The following DYM variants were observed in gnomAD, a reference collection of about 807,000 sequenced individuals.
DYM encodes the protein dymeclin.
In DYM, 78 loss-of-function variants were observed where a neutral mutation model predicts 93.1. The ratio of observed to expected loss-of-function variants is 0.84; its 90% CI spans 0.70 to 1.01. The LOEUF (loss-of-function observed/expected upper bound fraction) is 1.01, where lower values mean the gene tolerates loss of function less well. Ranked by LOEUF, DYM falls within the 50% of genes least tolerant of loss-of-function variation. DYM has a pLI of 0.00. For synonymous variants in DYM, 321 were observed against 319.7 expected (o/e 1.00, Z -0.04); for missense variants, 789 against 845.0 (o/e 0.93, Z 0.82).
chr18:49,118,754 T>C lies in DYM; in HGVS notation c.1901A>G (p.Asn634Ser). 1 of 1,613,796 alleles carries C rather than the reference T, an allele frequency of 6.2e-7. No individual in the cohort carries two copies. Among genetic ancestry groups the C allele is most frequent in the Non-Finnish European group, 8.5e-7 (1 of 1,179,712 alleles). Residue 634 changes from asparagine (N) to serine (S), a missense_variant, in exon 16 of 18, where the codon AAT becomes AGT. Physicochemically the swap from Asn to Ser is conservative, Grantham distance 46 (BLOSUM62 1). Coordinates refer to ENST00000675505, the MANE Select transcript of DYM (RefSeq NM_001353214.3). ...THPSFQDIMQ[N>S]IDLVISFFSS... ...TTCATTTACACTCACCAGATCAATATTTTGCATTATATCCTGAAATGAAGG... is the reference window on the plus strand; with the variant it reads ...TTCATTTACACTCACCAGATCAATACTTTGCATTATATCCTGAAATGAAGG...
At chr18:49,101,651 T>C (rs545290519) in intron 16 of DYM, among the ~76,000 whole-genome samples, 1 of 152,318 alleles carries the variant, frequency 6.6e-6, no homozygotes, top group Non-Finnish European at 1.5e-5. Flanking sequence ...AGTTTTATTT[T>C]ATTTTATTTT....
At chr18:49,046,289 C>G (rs1269283963) in intron 17 of DYM, among the ~76,000 whole-genome samples, 1 of 138,170 alleles carries the variant, frequency 7.2e-6, no homozygotes, top group Non-Finnish European at 1.6e-5. Context: ...GACAACACAC[C>G]CAGACATGCG....
chr18:49,285,310 G>T (rs968601293), intron 9 of DYM, among the ~76,000 whole-genome samples: 4 of 152,162 alleles, frequency 2.6e-5, no homozygotes, highest in Non-Finnish European at 5.9e-5. Context: ...TAACCCGGAA[G>T]AATCATGGCA....
At chr18:49,207,586 G>C (rs1600657375) in intron 14 of DYM, among the ~76,000 whole-genome samples, 2 of 152,208 alleles carry the variant, frequency 1.3e-5, no homozygotes, top group Admixed American at 1.3e-4. Context: ...CACCCAATCA[G>C]CTGAAGCTAT....
At chr18:49,431,481 G>A (rs966893157) in intron 1 of DYM, among the ~76,000 whole-genome samples, 3 of 152,054 alleles carry the variant, frequency 2.0e-5, no homozygotes, top group Non-Finnish European at 4.4e-5. Context: ...AGTCACTAAG[G>A]GAAGAAAACT....
intron 11 of DYM, among the ~76,000 whole-genome samples, chr18:49,265,860 TAAC>T (rs1266910557): frequency 1.4e-5 from 2 of 146,632 alleles, no homozygotes; most frequent in Non-Finnish European, 3.0e-5. Flanking sequence ...TGAATAAAAA[TAAC>T]AAACTCAGGG....
intron 2 of DYM, among the ~76,000 whole-genome samples, chr18:49,417,748 T>C (rs1243077835): frequency 6.6e-6 from 1 of 152,252 alleles, no homozygotes; most frequent in Non-Finnish European, 1.5e-5. Context: ...TTTATCATAT[T>C]TCACCATACT....
At chr18:49,071,426 C>T (rs934927519) in intron 17 of DYM, among the ~76,000 whole-genome samples, 23 of 152,324 alleles carry the variant, frequency 1.5e-4, no homozygotes, top group Admixed American at 2.6e-4. Flanking sequence ...ATTGAAACCA[C>T]GGACACAATG....
chr18:49,244,249 G>A (rs1026325817), intron 13 of DYM, among the ~76,000 whole-genome samples: 1 of 152,206 alleles, frequency 6.6e-6, no homozygotes, highest in African/African-American at 2.4e-5. Context: ...CGCTGGACTT[G>A]ATTTTCTCAT....
At chr18:49,374,245 T>C (rs1357582727) in intron 5 of DYM, among the ~76,000 whole-genome samples, 1 of 152,192 alleles carries the variant, frequency 6.6e-6, no homozygotes, top group Non-Finnish European at 1.5e-5. Context: ...TTCTGCAGTA[T>C]CTCTCACACA....
intron 14 of DYM, among the ~76,000 whole-genome samples, chr18:49,175,145 G>A (rs932447265): frequency 6.6e-6 from 1 of 152,048 alleles, no homozygotes; most frequent in African/African-American, 2.4e-5. Flanking sequence ...TATTTGTACT[G>A]TAAACATGTA....
At chr18:49,115,905 A>T (rs1568446396) in intron 16 of DYM, 1 of 152,216 alleles carries the variant, frequency 6.6e-6, no homozygotes, top group Admixed American at 6.5e-5. Context: ...ATAGTCTCAC[A>T]GGTTTTTGTT....
intron 8 of DYM, among the ~76,000 whole-genome samples, chr18:49,289,712 AAT>A (rs1236757838): frequency 1.4e-4 from 16 of 112,702 alleles, no homozygotes; most frequent in African/African-American, 4.9e-4. Context: ...CCCTATCTCA[AAT>A]ATATATATAT....
chr18:49,351,848 A>G (rs563241019), intron 6 of DYM, among the ~76,000 whole-genome samples: 1 of 152,346 alleles, frequency 6.6e-6, no homozygotes, highest in Non-Finnish European at 1.5e-5. Context: ...AAATAAACCA[A>G]AAATGGCTTT....
At chr18:49,116,611 C>T (rs2081948352) in intron 16 of DYM, 1 of 152,174 alleles carries the variant, frequency 6.6e-6, no homozygotes, top group Admixed American at 6.5e-5. Flanking sequence ...TGCTTGAGTT[C>T]CAGATAGTTT....
rs370156982 is a variant in DYM at position 49,209,473 on chromosome 18, CAT to C, written c.1625+76_1625+77del. ...GTTCTCTTTAATAATTTAATTGACA[CAT>C]GTCTTATTAAAACATGCAATTGTCA... On this transcript the variant is annotated intron_variant, in intron 14 of 17. Coordinates refer to ENST00000675505, the MANE Select transcript of DYM (RefSeq NM_001353214.3). 3.8e-4 allele frequency: 351 copies of C among 935,352 alleles called. 3 individuals are homozygous for C. The highest frequency in any genetic ancestry group is 3.6e-3 in the South Asian group (152 of 42,146). 57.9% of individuals were successfully genotyped at this position (935,352 alleles called of 1,614,324 possible).
intron 15 of DYM, among the ~76,000 whole-genome samples, chr18:49,161,087 G>GAAA (rs879775833): frequency 9.5e-6 from 1 of 104,714 alleles, no homozygotes; most frequent in Non-Finnish European, 2.1e-5. Context: ...TAAATGTTAA[G>GAAA]AAAAAAAAAA....
At chr18:49,097,572 A>G in intron 16 of DYM, 57 bp from the exon 17 acceptor site, 1 of 1,440,606 alleles carries the variant, frequency 6.9e-7, no homozygotes, top group Admixed American at 1.8e-5. Flanking sequence ...TATTTTTAGT[A>G]GCCGCCTTTC....
chr18:49,257,343 T>C (rs536804124), intron 12 of DYM, among the ~76,000 whole-genome samples: 2 of 152,342 alleles, frequency 1.3e-5, no homozygotes, highest in South Asian at 2.1e-4. Flanking sequence ...ATGGTGAATA[T>C]TGAAATATTT....
Sources: gnomAD v4.1 joint callset for allele counts (sites outside exome capture counted in the v4.1 genomes callset) on GRCh38, gnomAD v4.1.1 for gene constraint, MANE v1.5 for transcripts, NCBI Gene and HGNC (gene_info 2026-07-23, HGNC 2026-07-21) for gene names.